The following RNU5E-1 variants were observed in gnomAD, a reference collection of about 807,000 sequenced individuals.
RNU5E-1 encodes the protein RNA, U5E small nuclear 1, also known as RNA, U5E small nuclear.
At chr1:11,908,247 A>G (rs191053876) in exon 1 of RNU5E-1, 2 of 134,828 alleles carry the variant, frequency 1.5e-5, no homozygotes, top group African/African-American at 2.5e-5. Flanking sequence ...CAATTTTTTG[A>G]GGCCTTGCGT....
chr1:11,908,254 G>GT (rs1557465385), exon 1 of RNU5E-1: 11 of 135,560 alleles, frequency 8.1e-5, no homozygotes. Flanking sequence ...TTGAGGCCTT[G>GT]CGTTTCTTAG....
exon 1 of RNU5E-1, chr1:11,908,240 T>TA (rs1491152860): frequency 2.8e-5 from 4 of 141,434 alleles, no homozygotes; most frequent in Non-Finnish European, 6.3e-5. Context: ...CTGAAACCAA[T>TA]TTTTTGAGGC....
chr1:11,908,172 A>ACCG, exon 1 of RNU5E-1: 1 of 152,232 alleles, frequency 6.6e-6, no homozygotes, highest in Admixed American at 6.5e-5. Context: ...TTCTCTTCAA[A>ACCG]TCGTATAAAT....
exon 1 of RNU5E-1, chr1:11,908,185 T>A (rs994632620): frequency 1.3e-5 from 2 of 152,216 alleles, no homozygotes; most frequent in East Asian, 1.9e-4. Context: ...GTATAAATCT[T>A]TCGCCTTTTA....
exon 1 of RNU5E-1, chr1:11,908,200 A>C (rs35884413): frequency 7.2e-5 from 11 of 152,322 alleles, no homozygotes; most frequent in Admixed American, 2.0e-4. Context: ...CTTTTACTAA[A>C]GATTTCCGTG....
chr1:11,908,228 G>T (rs567266467), exon 1 of RNU5E-1: 2 of 151,146 alleles, frequency 1.3e-5, no homozygotes, highest in Non-Finnish European at 3.0e-5. Context: ...ACGAGTGTGA[G>T]TCTGAAACCA....
chr1:11,908,176 T>TA (rs1217000727), exon 1 of RNU5E-1: 2 of 152,188 alleles, frequency 1.3e-5, no homozygotes, highest in Admixed American at 1.3e-4. Flanking sequence ...CTTCAAATCG[T>TA]ATAAATCTTT....
At chr1:11,908,213 G>C (rs1035217606) in exon 1 of RNU5E-1, 1 of 152,096 alleles carries the variant, frequency 6.6e-6, no homozygotes, top group African/African-American at 2.4e-5. Context: ...TTTCCGTGGA[G>C]AGAAACGAGT....
At chr1:11,908,272 T>G (rs187699664), downstream of RNU5E-1, 1 of 152,042 alleles carries the variant, frequency 6.6e-6, no homozygotes. Flanking sequence ...TAGCAGGGCT[T>G]ATTTTAAGTG....
chr1:11,908,237 C>A (rs6671918), exon 1 of RNU5E-1: 6 of 145,486 alleles, frequency 4.1e-5, no homozygotes, highest in African/African-American at 9.8e-5. Flanking sequence ...AGTCTGAAAC[C>A]AATTTTTTGA....
At chr1:11,908,160 G>C (rs147625257) in exon 1 of RNU5E-1, 8 of 152,196 alleles carry the variant, frequency 5.3e-5, no homozygotes, top group East Asian at 1.9e-4. Flanking sequence ...TTATACTCTG[G>C]TTTCTCTTCA....
exon 1 of RNU5E-1, chr1:11,908,190 C>A (rs142289613): frequency 5.9e-5 from 9 of 152,244 alleles, no homozygotes; most frequent in African/African-American, 1.9e-4. Flanking sequence ...AATCTTTCGC[C>A]TTTTACTAAA....
At chr1:11,908,190 C>G (rs142289613) in exon 1 of RNU5E-1, 25 of 152,244 alleles carry the variant, frequency 1.6e-4, no homozygotes, top group Admixed American at 3.9e-4. Context: ...AATCTTTCGC[C>G]TTTTACTAAA....
chr1:11,908,239 AT>A (rs547853286), exon 1 of RNU5E-1: 1 of 142,794 alleles, frequency 7.0e-6, no homozygotes, highest in African/African-American at 2.5e-5. Context: ...TCTGAAACCA[AT>A]TTTTTGAGGC....
exon 1 of RNU5E-1, chr1:11,908,170 A>AT (rs747159966): frequency 9.2e-5 from 14 of 152,276 alleles, no homozygotes; most frequent in South Asian, 6.2e-4. Flanking sequence ...GTTTCTCTTC[A>AT]AATCGTATAA....
chr1:11,908,222 G>A (rs532731472), exon 1 of RNU5E-1: 14 of 151,878 alleles, frequency 9.2e-5, no homozygotes, highest in South Asian at 2.1e-4. Context: ...AGAGAAACGA[G>A]TGTGAGTCTG....
chr1:11,908,272 T>C (rs187699664), downstream of RNU5E-1: 4 of 152,160 alleles, frequency 2.6e-5, no homozygotes, highest in East Asian at 3.9e-4. Context: ...TAGCAGGGCT[T>C]ATTTTAAGTG....
exon 1 of RNU5E-1, chr1:11,908,173 T>TATTCAAAC: frequency 6.6e-6 from 1 of 152,090 alleles, no homozygotes; most frequent in Admixed American, 6.5e-5. Flanking sequence ...TCTCTTCAAA[T>TATTCAAAC]CGTATAAATC....
exon 1 of RNU5E-1, chr1:11,908,197 T>C (rs956500191): frequency 3.3e-5 from 5 of 152,220 alleles, no homozygotes; most frequent in Admixed American, 6.5e-5. Context: ...CGCCTTTTAC[T>C]AAAGATTTCC....
Sources: allele counts gnomAD v4.1 joint callset, GRCh38; gene constraint gnomAD v4.1.1; transcripts MANE v1.5; gene names NCBI Gene and HGNC (gene_info 2026-07-23, HGNC 2026-07-21).